Variants in FOXO3 observed in about 807,000 individuals in gnomAD.
FOXO3 encodes forkhead box protein O3.
Under a neutral mutation model 41.9 loss-of-function variants are expected in FOXO3, and 4 were observed. The ratio of observed to expected loss-of-function variants is 0.10; its 90% CI spans 0.05 to 0.22. The LOEUF is 0.22. Ranked by LOEUF, FOXO3 falls within the 10% of genes least tolerant of loss-of-function variation. The pLI is 1.00. For synonymous variants in FOXO3, 318 were observed against 389.3 expected (o/e 0.82, Z 2.16); for missense variants, 534 against 906.8 (o/e 0.59, Z 5.28).
chr6:108,593,410 G>A (rs985405448), intron 1 of FOXO3, among the ~76,000 whole-genome samples: 1 of 151,404 alleles, frequency 6.6e-6, no homozygotes, highest in Admixed American at 6.6e-5. Flanking sequence ...TTTTGAGATG[G>A]AGTCTCGCTC....
rs1172259076 is a variant in FOXO3 at position 108,663,697 on chromosome 6, C to T, written c.864C>T (p.Leu288=). The change falls in exon 2 of 3, where the codon CTC becomes CTT. Residue 288 remains leucine, a synonymous_variant. Transcript: ENST00000406360. ...CAGCTGACGACAGTCCCTCCCAGCT[C>T]TCCAAGTGGCCTGGCAGCCCCACGT... is the stretch of plus-strand genomic sequence containing the variant. ...PESADDSPSQ[L]SKWPGSPTSR... The T allele has an allele frequency of 2.1e-5, 34 of 1,613,390 alleles. No homozygotes were observed. The highest frequency in any genetic ancestry group is 2.8e-5 in the Non-Finnish European group (33 of 1,179,650).
At chr6:108,634,936 A>G (rs1418879990) in intron 1 of FOXO3, among the ~76,000 whole-genome samples, 2 of 151,920 alleles carry the variant, frequency 1.3e-5, no homozygotes, top group South Asian at 2.1e-4. Context: ...TGTATTTTAT[A>G]TATAAGGTAT....
intron 1 of FOXO3, among the ~76,000 whole-genome samples, chr6:108,640,015 C>T (rs200669304): frequency 1.3e-5 from 2 of 152,154 alleles, no homozygotes; most frequent in Non-Finnish European, 2.9e-5. Context: ...AGTAAAACAT[C>T]GCATAAAAGA....
intron 1 of FOXO3, among the ~76,000 whole-genome samples, chr6:108,570,190 G>A (rs369091545): frequency 3.3e-5 from 5 of 151,824 alleles, no homozygotes; most frequent in Admixed American, 2.6e-4. Context: ...TATTAGAGAC[G>A]GGGCTTCACT....
upstream of FOXO3, among the ~76,000 whole-genome samples, chr6:108,560,214 G>C (rs1562222905): frequency 6.6e-6 from 1 of 152,226 alleles, no homozygotes; most frequent in Non-Finnish European, 1.5e-5. Context: ...GGTGATGAAC[G>C]TGCTGGTCCG....
chr6:108,574,777 G>A (rs566489216), intron 1 of FOXO3, among the ~76,000 whole-genome samples: 5 of 152,278 alleles, frequency 3.3e-5, no homozygotes, highest in African/African-American at 7.2e-5. Context: ...AGGCAGTGCC[G>A]TAAGATAAAA....
intron 1 of FOXO3, among the ~76,000 whole-genome samples, chr6:108,571,412 A>C (rs1264325103): frequency 1.3e-5 from 2 of 152,172 alleles, no homozygotes; most frequent in African/African-American, 4.8e-5. Flanking sequence ...TCTAAAATTC[A>C]TGTCTTCCTG....
chr6:108,594,225 A>T (rs780311053), intron 1 of FOXO3, among the ~76,000 whole-genome samples: 13 of 152,128 alleles, frequency 8.5e-5, no homozygotes, highest in Non-Finnish European at 1.5e-4. Context: ...TTTAAATTTG[A>T]CTTAAGTTTT....
intron 1 of FOXO3, among the ~76,000 whole-genome samples, chr6:108,605,876 CAA>C (rs1777185356): frequency 6.6e-6 from 1 of 152,216 alleles, no homozygotes. Flanking sequence ...GGAGAAGTCA[CAA>C]GATCCAATTA....
intron 2 of FOXO3, among the ~76,000 whole-genome samples, chr6:108,678,266 A>AT (rs1203305894): frequency 6.6e-6 from 1 of 152,104 alleles, no homozygotes; most frequent in Non-Finnish European, 1.5e-5. Flanking sequence ...ATATAATGTG[A>AT]TTTTGTGTGT....
At chr6:108,571,552 A>G (rs1306216666) in intron 1 of FOXO3, among the ~76,000 whole-genome samples, 1 of 152,240 alleles carries the variant, frequency 6.6e-6, no homozygotes, top group African/African-American at 2.4e-5. Flanking sequence ...AAGAGGAGAA[A>G]ATACATAGAG....
chr6:108,630,934 T>C (rs1487117236), intron 1 of FOXO3, among the ~76,000 whole-genome samples: 1 of 152,190 alleles, frequency 6.6e-6, no homozygotes, highest in Non-Finnish European at 1.5e-5. Flanking sequence ...AAAAATAATC[T>C]TGGGCTTTGG....
intron 2 of FOXO3, among the ~76,000 whole-genome samples, chr6:108,676,300 A>G (rs1019542758): frequency 1.3e-5 from 2 of 152,218 alleles, no homozygotes; most frequent in Non-Finnish European, 2.9e-5. Context: ...CTACAATTCC[A>G]TCAGCTGTAG....
At chr6:108,641,019 C>G (rs1412891611) in intron 1 of FOXO3, among the ~76,000 whole-genome samples, 1 of 152,102 alleles carries the variant, frequency 6.6e-6, no homozygotes, top group Non-Finnish European at 1.5e-5. Context: ...GTTTGATTCT[C>G]ATGCCTCAGC....
At chr6:108,560,887 C>A (rs896689923), upstream of FOXO3, 12 of 1,045,170 alleles carry the variant, frequency 1.1e-5, no homozygotes, top group Non-Finnish European at 1.5e-5. Context: ...TCGATTCGCT[C>A]GCGGCTCCAT....
At chr6:108,671,692 C>G (rs1029549064) in intron 2 of FOXO3, among the ~76,000 whole-genome samples, 23 of 152,256 alleles carry the variant, frequency 1.5e-4, no homozygotes, top group African/African-American at 5.5e-4. Context: ...AGCAGCCACG[C>G]CAGTCTTAAA....
At chr6:108,616,185 G>T (rs71558324) in intron 1 of FOXO3, among the ~76,000 whole-genome samples, 5 of 97,830 alleles carry the variant, frequency 5.1e-5, no homozygotes, top group African/African-American at 1.6e-4. Flanking sequence ...TTTTTTTTGA[G>T]ATAGAGTCTC....
chr6:108,658,133 T>G (rs1279405301), intron 1 of FOXO3, among the ~76,000 whole-genome samples: 1 of 152,176 alleles, frequency 6.6e-6, no homozygotes, highest in African/African-American at 2.4e-5. Flanking sequence ...AATCATGACC[T>G]GTGAGGAAAA....
chr6:108,643,070 T>C (rs1778301702), intron 1 of FOXO3, among the ~76,000 whole-genome samples: 1 of 152,238 alleles, frequency 6.6e-6, no homozygotes, highest in African/African-American at 2.4e-5. Flanking sequence ...TATGGGTTAC[T>C]CTTTACTTCC....
Sources: gnomAD v4.1 joint callset for allele counts (sites outside exome capture counted in the v4.1 genomes callset) on GRCh38, gnomAD v4.1.1 for gene constraint, MANE v1.5 for transcripts, NCBI Gene and HGNC (gene_info 2026-07-23, HGNC 2026-07-21) for gene names.